RAPGEF1: variants seen among roughly 807,000 people sequenced by gnomAD.
RAPGEF1 encodes the protein Rap guanine nucleotide exchange factor 1, also known as CRK SH3-binding GNRP.
RAPGEF1 carries 33 observed loss-of-function variants against 143.3 expected under a neutral mutation model. The observed-to-expected ratio is 0.23, with a 90% CI of 0.17 to 0.31. The LOEUF (loss-of-function observed/expected upper bound fraction) is 0.31, where lower values mean the gene tolerates loss of function less well. RAPGEF1 is among the 10% of genes least tolerant of loss of function. RAPGEF1 has a pLI of 1.00. For synonymous variants in RAPGEF1, 629 were observed against 676.5 expected (o/e 0.93, Z 1.09); for missense variants, 1,199 against 1,645.4 (o/e 0.73, Z 4.69).
At chr9:131,662,483 T>C (rs575648854) in intron 1 of RAPGEF1, among the ~76,000 whole-genome samples, 1 of 152,246 alleles carries the variant, frequency 6.6e-6, no homozygotes, top group African/African-American at 2.4e-5. Flanking sequence ...GGGGCTCACA[T>C]GATCCTCCTG....
intron 1 of RAPGEF1, among the ~76,000 whole-genome samples, chr9:131,664,942 C>T (rs1588893648): frequency 1.3e-5 from 2 of 152,296 alleles, no homozygotes; most frequent in East Asian, 1.9e-4. Context: ...TATATCCATC[C>T]TTATTTCCTC....
At chr9:131,614,404 C>A (rs1228459148) in intron 12 of RAPGEF1, among the ~76,000 whole-genome samples, 1 of 152,250 alleles carries the variant, frequency 6.6e-6, no homozygotes, top group Non-Finnish European at 1.5e-5. Context: ...CTCCTCCTCT[C>A]CTCCCTTCTT....
At chr9:131,589,634 C>T (rs1953845757) in intron 19 of RAPGEF1, among the ~76,000 whole-genome samples, 1 of 152,190 alleles carries the variant, frequency 6.6e-6, no homozygotes, top group African/African-American at 2.4e-5. Context: ...ACCATGGGAG[C>T]AGGTGCGTTG....
chr9:131,695,684 T>A (rs1380381602), intron 1 of RAPGEF1, among the ~76,000 whole-genome samples: 2 of 152,138 alleles, frequency 1.3e-5, no homozygotes. Flanking sequence ...TCAGGAAACT[T>A]AACTGTCCAT....
At chr9:131,601,532 G>A (rs1956279135) in intron 15 of RAPGEF1, among the ~76,000 whole-genome samples, 1 of 152,206 alleles carries the variant, frequency 6.6e-6, no homozygotes, top group African/African-American at 2.4e-5. Flanking sequence ...GGGGTTATTA[G>A]TGATTTTTCT....
chr9:131,581,412 G>A (rs1050203385), intron 25 of RAPGEF1, among the ~76,000 whole-genome samples: 3 of 151,228 alleles, frequency 2.0e-5, no homozygotes, highest in Non-Finnish European at 4.4e-5. Flanking sequence ...AAACTGGCTG[G>A]GTGTGGTGAC....
intron 12 of RAPGEF1, among the ~76,000 whole-genome samples, chr9:131,612,053 G>A (rs975049883): frequency 5.3e-5 from 8 of 152,170 alleles, no homozygotes; most frequent in African/African-American, 1.9e-4. Flanking sequence ...GAAGGCCCTC[G>A]ATAGGGAAAC....
In RAPGEF1 at chr9:131,587,922, CT is replaced by C. The variant is rs1380188010; in HGVS notation, c.3138+19del. 3 of 1,605,700 alleles carry C rather than the reference CT, an allele frequency of 1.9e-6. No homozygotes were observed. The highest frequency in any genetic ancestry group is 2.6e-6 in the Non-Finnish European group (3 of 1,175,688). On this transcript the variant is annotated intron_variant, in intron 21 of 26. Transcript: ENST00000683357. ...TCAGGGACAAACAGTGTGGCTCCCC[CT>C]GGCAGGAGCAGCCTGTACCTCTATT...
At chr9:131,633,869 C>A (rs1426047371) in intron 5 of RAPGEF1, among the ~76,000 whole-genome samples, 1 of 152,170 alleles carries the variant, frequency 6.6e-6, no homozygotes. Flanking sequence ...TGAAAGTTGA[C>A]CATTTATAAT....
chr9:131,585,319 T>C (rs1392877428), intron 22 of RAPGEF1, among the ~76,000 whole-genome samples: 3 of 151,356 alleles, frequency 2.0e-5, no homozygotes, highest in African/African-American at 4.9e-5. Flanking sequence ...TAGCTGGGAC[T>C]ATAGGTGTGC....
At chr9:131,637,807 T>C (rs1966773538) in intron 5 of RAPGEF1, among the ~76,000 whole-genome samples, 1 of 152,212 alleles carries the variant, frequency 6.6e-6, no homozygotes, top group African/African-American at 2.4e-5. Flanking sequence ...ATTATACCTA[T>C]TTCATAAAAG....
At chr9:131,691,874 A>G (rs981778075) in intron 1 of RAPGEF1, among the ~76,000 whole-genome samples, 13 of 152,240 alleles carry the variant, frequency 8.5e-5, no homozygotes, top group African/African-American at 2.9e-4. Flanking sequence ...GATTAAAAAA[A>G]ACACCTTTTT....
rs764100628 is a variant in RAPGEF1, at chr9:131,628,631, G to A, written c.935C>T (p.Pro312Leu). The change falls in exon 8 of 27, where the codon CCG (proline) becomes CTG (leucine). Residue 312 changes from proline (P) to leucine (L), a missense_variant. This residue lies in a region of RAPGEF1 where 613 missense variants were observed against 710.9 expected (regional missense o/e 0.86). Coordinates refer to ENST00000683357, the MANE Select transcript of RAPGEF1 (RefSeq NM_001377935.1). This position sits in a 1 kb window ranked among gnomAD's most constrained non-coding sequence, Gnocchi z 5.7. ...ALPPKKRQSA[P>L]SPTRVAVVAP... ...CACCACAGCCACTCGGGTAGGGGAC[G>A]GCGCCGACTGTCTTTTCTTGGGTGG... 2.4e-5 allele frequency: 39 copies of A among 1,611,052 alleles called. No individual in the cohort carries two copies. The highest frequency in any genetic ancestry group is 3.1e-5 in the Non-Finnish European group (36 of 1,177,650).
chr9:131,704,622 A>G (rs991580923), intron 1 of RAPGEF1, among the ~76,000 whole-genome samples: 1 of 152,140 alleles, frequency 6.6e-6, no homozygotes, highest in Admixed American at 6.5e-5. Flanking sequence ...AGGAGATAAC[A>G]ATTCAATTTG....
chr9:131,718,125 G>C (rs969434556), intron 1 of RAPGEF1, among the ~76,000 whole-genome samples: 1 of 152,196 alleles, frequency 6.6e-6, no homozygotes, highest in African/African-American at 2.4e-5. Context: ...CGTGGCTCTT[G>C]TCCATGGCTT....
rs1832183002 is a variant in RAPGEF1, at chr9:131,675,489, T to C, written c.62-24540A>G. Among the ~76,000 whole-genome samples, 1 of 152,198 alleles carries C rather than the reference T, an allele frequency of 6.6e-6. No homozygotes were observed. Among genetic ancestry groups the C allele is most frequent in the South Asian group, 2.1e-4 (1 of 4,830 alleles). ...AATCTAAAAATGGTCCCCAACAGGC[T>C]GAGAAGCCAAACACCCACAAGCCAC... On this transcript the variant is annotated intron_variant, in intron 1 of 26. Coordinates refer to ENST00000683357, the MANE Select transcript of RAPGEF1 (RefSeq NM_001377935.1). The surrounding 1 kb of genome is among the most constrained non-coding windows in gnomAD (Gnocchi z 4.6).
intron 1 of RAPGEF1, among the ~76,000 whole-genome samples, chr9:131,692,802 C>T (rs942163430): frequency 6.6e-6 from 1 of 152,224 alleles, no homozygotes; most frequent in Admixed American, 6.5e-5. Context: ...CATGCCAAAC[C>T]TAGTCATGGG....
At chr9:131,616,335 T>G (rs1959005860) in intron 12 of RAPGEF1, among the ~76,000 whole-genome samples, 1 of 152,106 alleles carries the variant, frequency 6.6e-6, no homozygotes, top group Admixed American at 6.5e-5. Context: ...TGTGTGCAGA[T>G]GTTCTTTGGT....
chr9:131,662,231 T>C (rs1334353452), intron 1 of RAPGEF1, among the ~76,000 whole-genome samples: 1 of 152,176 alleles, frequency 6.6e-6, no homozygotes, highest in African/African-American at 2.4e-5. Flanking sequence ...CACATACACA[T>C]GGTAGATCTC....
Sources: gnomAD v4.1 joint callset for allele counts (sites outside exome capture counted in the v4.1 genomes callset) on GRCh38, gnomAD v4.1.1 for gene constraint, gnomAD v4.1.1 regional missense constraint, Gnocchi (gnomAD v3.1) non-coding constraint, MANE v1.5 for transcripts, NCBI Gene and HGNC (gene_info 2026-07-23, HGNC 2026-07-21) for gene names.